The following SCHIP1 variants were observed in gnomAD, a reference collection of about 807,000 sequenced individuals.
The protein encoded by SCHIP1 is schwannomin-interacting protein 1.
Under a neutral mutation model 29.7 loss-of-function variants are expected in SCHIP1, and 8 were observed. That is an observed-to-expected ratio of 0.27 (90% CI 0.16 to 0.49). The LOEUF (loss-of-function observed/expected upper bound fraction) is 0.49. SCHIP1 is among the 20% of genes least tolerant of loss of function. The pLI is 0.99. For missense variants in SCHIP1, 193 were observed against 294.6 expected (o/e 0.66, Z 2.52); for synonymous variants, 76 against 94.9 (o/e 0.80, Z 1.16).
At chr3:159,651,057 G>A in the SCHIP1 span, among the ~76,000 whole-genome samples, 15 of 152,066 alleles carry the variant, frequency 9.9e-5, no homozygotes, top group African/African-American at 3.4e-4. Flanking sequence ...AGGATCATAT[G>A]AATAGTATAC....
chr3:159,765,019 C>G, the SCHIP1 span: 1 of 1,538,958 alleles, frequency 6.5e-7, no homozygotes, highest in Non-Finnish European at 8.8e-7. Context: ...GACGTGCGTC[C>G]CCGAAGAGCC....
At chr3:159,825,129 T>C in the SCHIP1 span, among the ~76,000 whole-genome samples, 1 of 152,214 alleles carries the variant, frequency 6.6e-6, no homozygotes, top group Non-Finnish European at 1.5e-5. Flanking sequence ...AAGTTATTTG[T>C]TTTGCTGGGC....
At chr3:159,315,861 A>G in the SCHIP1 span, among the ~76,000 whole-genome samples, 1 of 151,360 alleles carries the variant, frequency 6.6e-6, no homozygotes, top group African/African-American at 2.4e-5. Flanking sequence ...ACTCATCAGT[A>G]GGAGAGACAT....
At chr3:159,787,483 T>A in the SCHIP1 span, among the ~76,000 whole-genome samples, 1 of 152,230 alleles carries the variant, frequency 6.6e-6, no homozygotes, top group Non-Finnish European at 1.5e-5. Context: ...AGGAGCTTAG[T>A]GAGCGGAATG....
At chr3:159,366,475 C>T in the SCHIP1 span, among the ~76,000 whole-genome samples, 1 of 152,234 alleles carries the variant, frequency 6.6e-6, no homozygotes, top group African/African-American at 2.4e-5. Flanking sequence ...TCAGCACTTG[C>T]GTCTGTGCCC....
At chr3:159,320,590 CAT>C in the SCHIP1 span, among the ~76,000 whole-genome samples, 1 of 144,184 alleles carries the variant, frequency 6.9e-6, no homozygotes, top group Non-Finnish European at 1.5e-5. Flanking sequence ...TTATATCTGA[CAT>C]ATGGTGGTAA....
chr3:159,309,406 G>A, the SCHIP1 span, among the ~76,000 whole-genome samples: 1 of 152,120 alleles, frequency 6.6e-6, no homozygotes, highest in African/African-American at 2.4e-5. Context: ...AGGGACTGAC[G>A]CTTCTGTGTT....
chr3:159,558,011 T>A, the SCHIP1 span, among the ~76,000 whole-genome samples: 1 of 152,168 alleles, frequency 6.6e-6, no homozygotes. Context: ...CCGCAAGATA[T>A]AAATTCCCCG....
the SCHIP1 span, among the ~76,000 whole-genome samples, chr3:159,633,416 G>A: frequency 2.0e-5 from 3 of 152,292 alleles, no homozygotes; most frequent in East Asian, 3.9e-4. Flanking sequence ...ATAAATGGAG[G>A]TGGGAGAGAG....
chr3:159,843,047 T>A (rs373481883), intron 1 of SCHIP1, among the ~76,000 whole-genome samples: 1 of 134,946 alleles, frequency 7.4e-6, no homozygotes, highest in Non-Finnish European at 1.6e-5. Context: ...AGTCTCACTC[T>A]GTTGCCCAGG....
the SCHIP1 span, among the ~76,000 whole-genome samples, chr3:159,508,453 G>A: frequency 6.6e-6 from 1 of 151,840 alleles, no homozygotes; most frequent in Non-Finnish European, 1.5e-5. Flanking sequence ...GGGTTTTTTG[G>A]TGTCTCTATT....
At chr3:159,819,911 A>C in the SCHIP1 span, among the ~76,000 whole-genome samples, 1 of 152,218 alleles carries the variant, frequency 6.6e-6, no homozygotes, top group Admixed American at 6.5e-5. Context: ...CGTAGCCCTC[A>C]GAGGATGAGG....
At chr3:159,759,593 G>A in the SCHIP1 span, among the ~76,000 whole-genome samples, 5 of 152,294 alleles carry the variant, frequency 3.3e-5, no homozygotes, top group African/African-American at 1.2e-4. Flanking sequence ...CATAAAGTTG[G>A]TTAGAGATAG....
the SCHIP1 span, among the ~76,000 whole-genome samples, chr3:159,831,428 G>A: frequency 6.6e-6 from 1 of 152,148 alleles, no homozygotes; most frequent in African/African-American, 2.4e-5. Flanking sequence ...CTCGGAGGAT[G>A]CCTGAAACCG....
the SCHIP1 span, among the ~76,000 whole-genome samples, chr3:159,551,312 C>A: frequency 6.6e-6 from 1 of 152,150 alleles, no homozygotes; most frequent in Non-Finnish European, 1.5e-5. Flanking sequence ...GTATGCCAAA[C>A]TATATAATAG....
chr3:159,765,184 C>A, the SCHIP1 span: 3 of 1,499,194 alleles, frequency 2.0e-6, no homozygotes, highest in Non-Finnish European at 2.7e-6. Context: ...CACGCGTACA[C>A]ACCCCGCGCA....
chr3:159,803,760 G>C, the SCHIP1 span, among the ~76,000 whole-genome samples: 1 of 152,304 alleles, frequency 6.6e-6, no homozygotes, highest in African/African-American at 2.4e-5. Flanking sequence ...CTACTTCTCT[G>C]TTTTCTTCTG....
At chr3:159,675,572 G>T in the SCHIP1 span, among the ~76,000 whole-genome samples, 1 of 152,314 alleles carries the variant, frequency 6.6e-6, no homozygotes, top group African/African-American at 2.4e-5. Context: ...TTCCAGGCCC[G>T]CATGAGCTTG....
intron 1 of SCHIP1, among the ~76,000 whole-genome samples, chr3:159,859,046 G>T (rs1292045981): frequency 3.9e-5 from 6 of 152,200 alleles, no homozygotes; most frequent in Non-Finnish European, 5.9e-5. Flanking sequence ...TATCCGTTCA[G>T]TGATGCAATT....
Sources: allele counts gnomAD v4.1 joint callset (sites outside exome capture counted in the v4.1 genomes callset), GRCh38; gene constraint gnomAD v4.1.1; transcripts MANE v1.5; gene names NCBI Gene and HGNC (gene_info 2026-07-23, HGNC 2026-07-21).